SMAP1: variants seen among roughly 807,000 people sequenced by gnomAD.
SMAP1 encodes the protein stromal membrane-associated protein 1.
Under a neutral mutation model 58.5 loss-of-function variants are expected in SMAP1, and 24 were observed. That is an observed-to-expected ratio of 0.41 (90% CI 0.30 to 0.58). The LOEUF is 0.58. Among genes scored for constraint, SMAP1 ranks in the 20% least tolerant of loss-of-function variants. The pLI is 0.29. For synonymous variants in SMAP1, 216 were observed against 196.6 expected (o/e 1.10, Z -0.82); for missense variants, 563 against 566.3 (o/e 0.99, Z 0.06).
At chr6:70,767,488 A>G (rs947314427) in intron 3 of SMAP1, among the ~76,000 whole-genome samples, 20 of 152,188 alleles carry the variant, frequency 1.3e-4, no homozygotes, top group Admixed American at 9.8e-4. Context: ...TGGATTCCTA[A>G]GTATTTTATT....
intron 4 of SMAP1, among the ~76,000 whole-genome samples, chr6:70,774,858 C>T (rs1232944012): frequency 1.3e-5 from 2 of 151,686 alleles, no homozygotes; most frequent in South Asian, 2.1e-4. Context: ...ACTAAAAATA[C>T]AAAAATTAGC....
At chr6:70,755,797 A>G (rs1766463349) in intron 3 of SMAP1, among the ~76,000 whole-genome samples, 1 of 152,036 alleles carries the variant, frequency 6.6e-6, no homozygotes, top group African/African-American at 2.4e-5. Flanking sequence ...GTATGTTAGA[A>G]ATCATTTCCA....
intron 1 of SMAP1, among the ~76,000 whole-genome samples, chr6:70,702,809 G>A (rs1767688579): frequency 6.6e-6 from 1 of 151,796 alleles, no homozygotes; most frequent in South Asian, 2.1e-4. Context: ...TTTTGTGTTT[G>A]TTATAGAGAC....
chr6:70,743,953 T>C (rs17763188), intron 2 of SMAP1, among the ~76,000 whole-genome samples: 1 of 89,816 alleles, frequency 1.1e-5, no homozygotes, highest in Non-Finnish European at 3.3e-5. Context: ...AATTTTTAAT[T>C]TGAATGTGCA....
At chr6:70,812,670 TAATC>T (rs895286616) in intron 6 of SMAP1, among the ~76,000 whole-genome samples, 2 of 152,206 alleles carry the variant, frequency 1.3e-5, no homozygotes, top group African/African-American at 4.8e-5. Flanking sequence ...AATTAAAAGA[TAATC>T]AATTGCTTAC....
intron 1 of SMAP1, among the ~76,000 whole-genome samples, chr6:70,697,153 C>T (rs930578691): frequency 1.3e-5 from 2 of 151,992 alleles, no homozygotes; most frequent in African/African-American, 4.8e-5. Context: ...GGTAACAGTT[C>T]ATTGGATGTT....
At chr6:70,772,361 G>T (rs1440102312) in intron 3 of SMAP1, among the ~76,000 whole-genome samples, 2 of 152,234 alleles carry the variant, frequency 1.3e-5, no homozygotes, top group African/African-American at 4.8e-5. Context: ...TACCGCCCAG[G>T]TAACTTTTCT....
At chr6:70,692,961 T>A (rs1465936466) in intron 1 of SMAP1, among the ~76,000 whole-genome samples, 1 of 152,014 alleles carries the variant, frequency 6.6e-6, no homozygotes, top group Admixed American at 6.6e-5. Context: ...TTTTTTGTAT[T>A]TTTAGTAGAG....
intron 1 of SMAP1, among the ~76,000 whole-genome samples, chr6:70,715,412 A>C (rs1768227486): frequency 6.6e-6 from 1 of 152,156 alleles, no homozygotes; most frequent in Non-Finnish European, 1.5e-5. Context: ...TCTTTGGATT[A>C]ATCCTATTTG....
At chr6:70,792,986 G>A (rs1768433467) in intron 5 of SMAP1, among the ~76,000 whole-genome samples, 2 of 152,080 alleles carry the variant, frequency 1.3e-5, no homozygotes, top group Non-Finnish European at 2.9e-5. Context: ...ATGTTCCAAA[G>A]TAGTAACAGA....
intron 6 of SMAP1, among the ~76,000 whole-genome samples, chr6:70,802,739 C>T (rs1768919420): frequency 6.6e-6 from 1 of 152,094 alleles, no homozygotes; most frequent in African/African-American, 2.4e-5. Context: ...TTGTTGAAGG[C>T]CTTTTCTGCA....
At chr6:70,823,531 C>T (rs1258768024) in intron 6 of SMAP1, among the ~76,000 whole-genome samples, 2 of 152,110 alleles carry the variant, frequency 1.3e-5, no homozygotes, top group Non-Finnish European at 2.9e-5. Context: ...TTTCAAAATA[C>T]AGTTGTCTGT....
chr6:70,698,386 C>T (rs182177665), intron 1 of SMAP1, among the ~76,000 whole-genome samples: 71 of 152,154 alleles, frequency 4.7e-4, no homozygotes, highest in Non-Finnish European at 9.0e-4. Flanking sequence ...AGTCTTATTT[C>T]GGTTAAATCT....
chr6:70,861,735 G>C lies in SMAP1; in HGVS notation c.*1401G>C. The stretch of plus-strand genomic sequence containing the variant: ...CTAGATTAACCTTCTCTGTCCGAGT[G>C]TGCCACACGAGAACCTGAAGGGGAA... On this transcript the variant is annotated 3_prime_UTR_variant, in exon 11 of 11. Transcript: ENST00000370455. 6.2e-7 allele frequency: 1 copy of C among 1,614,080 alleles called. No homozygotes were observed. The highest frequency in any genetic ancestry group is 8.5e-7 in the Non-Finnish European group (1 of 1,179,976).
rs979937545 is a variant in SMAP1 at position 70,858,300 on chromosome 6, T to G, written c.1269+71T>G. On this transcript the variant is annotated intron_variant, in intron 10 of 10. Coordinates refer to ENST00000370455, the MANE Select transcript of SMAP1 (RefSeq NM_001044305.3). ...TATTTTCTAAATCTTTTTTTTTTTT[T>G]TTTTTTTTTTTTTTTAAGTCTAGTG... 3,800 of 1,299,102 alleles carry G rather than the reference T, an allele frequency of 2.9e-3. 6 individuals are homozygous for G. Among genetic ancestry groups the G allele is most frequent in the South Asian group, 0.013 (702 of 56,032 alleles). 80.5% of individuals were successfully genotyped at this position (1,299,102 alleles called of 1,614,324 possible).
At chr6:70,693,797 G>A (rs932546239) in intron 1 of SMAP1, 1 of 152,258 alleles carries the variant, frequency 6.6e-6, no homozygotes, top group Non-Finnish European at 1.5e-5. Context: ...AAGTTGATTT[G>A]AGACTCATAT....
At chr6:70,697,689 G>A (rs1767466485) in intron 1 of SMAP1, among the ~76,000 whole-genome samples, 1 of 151,920 alleles carries the variant, frequency 6.6e-6, no homozygotes, top group South Asian at 2.1e-4. Flanking sequence ...TCTTGTGTAG[G>A]GTTTTTTGAC....
chr6:70,676,743 T>A (rs937849870), intron 1 of SMAP1, among the ~76,000 whole-genome samples: 2 of 152,146 alleles, frequency 1.3e-5, no homozygotes, highest in Non-Finnish European at 2.9e-5. Context: ...TTAAACAAAT[T>A]GGAATTTTTG....
chr6:70,742,970 C>A (rs1320469781), intron 2 of SMAP1, among the ~76,000 whole-genome samples: 1 of 152,122 alleles, frequency 6.6e-6, no homozygotes, highest in Non-Finnish European at 1.5e-5. Context: ...CAGTTATCTC[C>A]AACTGGGTCT....
Sources: gnomAD v4.1 joint callset for allele counts (sites outside exome capture counted in the v4.1 genomes callset) on GRCh38, gnomAD v4.1.1 for gene constraint, MANE v1.5 for transcripts, NCBI Gene and HGNC (gene_info 2026-07-23, HGNC 2026-07-21) for gene names.